The following RFX2 variants were observed in gnomAD, a reference collection of about 807,000 sequenced individuals.
RFX2 encodes the protein DNA-binding protein RFX2.
Under a neutral mutation model 87.8 loss-of-function variants are expected in RFX2, and 20 were observed. The observed-to-expected ratio is 0.23, with a 90% CI of 0.16 to 0.33. The LOEUF (loss-of-function observed/expected upper bound fraction) is 0.33. Among genes scored for constraint, RFX2 ranks in the 10% least tolerant of loss-of-function variants. The pLI, the probability that RFX2 is intolerant of heterozygous loss-of-function variation, is 1.00. For missense variants in RFX2, 767 were observed against 1,012.3 expected (o/e 0.76, Z 3.29); for synonymous variants, 397 against 431.3 (o/e 0.92, Z 0.98).
chr19:6,030,230 AAG>A (rs988827505), intron 5 of RFX2, among the ~76,000 whole-genome samples: 14 of 152,206 alleles, frequency 9.2e-5, no homozygotes, highest in African/African-American at 3.4e-4. Context: ...GGCAAAGACA[AAG>A]AGAGAATCCT....
Position 6,064,762 on chromosome 19 carries a change from C to T in RFX2, c.-8-17258G>A, listed in dbSNP as rs968100863. 2.6e-5 allele frequency among the ~76,000 whole-genome samples: 4 copies of T among 152,222 alleles called. No individual in the cohort carries two copies. The highest frequency in any genetic ancestry group is 3.2e-3 in the Middle Eastern group (1 of 316). On this transcript the variant is annotated intron_variant, in intron 1 of 17. Coordinates refer to ENST00000303657, the MANE Select transcript of RFX2 (RefSeq NM_000635.4). The surrounding 1 kb of genome is among the most constrained non-coding windows in gnomAD (Gnocchi z 4.8). ...CTGATTCTGGCCAGGAGGAGGCTGG[C>T]TTTCTGGATCCCACCAACATCACAT...
At position 6,074,830 on chromosome 19, in the gene RFX2, T is replaced by TG. The variant is rs535943446; in HGVS notation, c.-8-27327dup. On this transcript the variant is annotated intron_variant, in intron 1 of 17. Transcript: ENST00000303657. This position sits in a 1 kb window ranked among gnomAD's most constrained non-coding sequence, Gnocchi z 5.2. ...GCAAGGCTGAGGCACACGGGACATG[T>TG]GGGGTCACACGGGTCACGTGAGGAG... Among the ~76,000 whole-genome samples, 29 of 152,222 alleles carry TG rather than the reference T, an allele frequency of 1.9e-4. No individual in the cohort carries two copies. The South Asian group carries it at 5.6e-3, about 29-fold the overall frequency.
At chr19:6,067,734 C>G (rs777677836) in intron 1 of RFX2, among the ~76,000 whole-genome samples, 3 of 151,990 alleles carry the variant, frequency 2.0e-5, no homozygotes, top group Non-Finnish European at 4.4e-5. Flanking sequence ...TTTGGTGGGC[C>G]CAGCCAAGGA....
intron 1 of RFX2, among the ~76,000 whole-genome samples, chr19:6,065,796 T>G (rs1220815717): frequency 6.6e-6 from 1 of 151,992 alleles, no homozygotes; most frequent in African/African-American, 2.4e-5. Context: ...TCCATACAAC[T>G]AAAGCGAGTC....
chr19:6,006,451 G>A (rs1242497835), intron 12 of RFX2, among the ~76,000 whole-genome samples: 1 of 146,924 alleles, frequency 6.8e-6, no homozygotes, highest in African/African-American at 2.6e-5. Flanking sequence ...ACACCACCAT[G>A]CCCAGCTCAT....
At chr19:6,067,056 C>G (rs1347891662) in intron 1 of RFX2, among the ~76,000 whole-genome samples, 1 of 152,026 alleles carries the variant, frequency 6.6e-6, no homozygotes. Context: ...ATAACAAAAC[C>G]CAAGGAGGAA....
chr19:6,022,142 C>G lies in RFX2; in HGVS notation c.597+4021G>C, dbSNP rs1389481236. Among the ~76,000 whole-genome samples, 1 of 151,992 alleles carries G rather than the reference C, an allele frequency of 6.6e-6. No individual in the cohort carries two copies. Among genetic ancestry groups the G allele is most frequent in the Non-Finnish European group, 1.5e-5 (1 of 67,986 alleles). On this transcript the variant is annotated intron_variant, in intron 6 of 17. Transcript: ENST00000303657. This position sits in a 1 kb window ranked among gnomAD's most constrained non-coding sequence, Gnocchi z 6.2. ...CGGGAGGCGCAGGGGTTGTGGGAGG[C>G]GCAGGGGTTGTTGAGGGTGGAGGCC...
chr19:6,095,025 T>C (rs1003771201), intron 1 of RFX2, among the ~76,000 whole-genome samples: 1 of 152,140 alleles, frequency 6.6e-6, no homozygotes, highest in Non-Finnish European at 1.5e-5. Context: ...GGCAGGAGAA[T>C]GGTGTGAACC....
chr19:6,066,283 C>A (rs2087510471), intron 1 of RFX2, among the ~76,000 whole-genome samples: 1 of 152,142 alleles, frequency 6.6e-6, no homozygotes, highest in Non-Finnish European at 1.5e-5. Flanking sequence ...GAACATTGAG[C>A]ACATGAAACC....
At position 6,044,289 on chromosome 19, in the gene RFX2, G is replaced by C; in HGVS notation, c.91-7C>G. 1 of 1,524,652 alleles carries C rather than the reference G, an allele frequency of 6.6e-7. No individual in the cohort carries two copies. The highest frequency in any genetic ancestry group is 8.8e-7 in the Non-Finnish European group (1 of 1,134,382). The allele number at this position is 1,524,652 out of a possible 1,614,324, so 94.4% of individuals were successfully genotyped here. On this transcript the variant is annotated splice_region_variant and splice_polypyrimidine_tract_variant and intron_variant, in intron 2 of 17. Coordinates refer to ENST00000303657, the MANE Select transcript of RFX2 (RefSeq NM_000635.4). The surrounding 1 kb of genome is among the most constrained non-coding windows in gnomAD (Gnocchi z 5.3). ...CTGCCTGGACCAACACCCTCTAAAAGGGAAGGGAGAGAAGGCCAGTTAGAC... is the reference window on the plus strand; with the variant it reads ...CTGCCTGGACCAACACCCTCTAAAACGGAAGGGAGAGAAGGCCAGTTAGAC...
chr19:6,008,296 G>T, intron 9 of RFX2, 72 bp from the exon 10 acceptor site: 2 of 852,048 alleles, frequency 2.3e-6, no homozygotes, highest in Non-Finnish European at 3.6e-6. Context: ...GAAGGCCACG[G>T]TGGATGGGGG....
At position 6,024,085 on chromosome 19, in the gene RFX2, T is replaced by C. The variant is rs569346503; in HGVS notation, c.597+2078A>G. ...GTGAGCCACCGTGCCCAGCCCATTT[T>C]CCCATAGACATTTTAACTCTCCCGT... On this transcript the variant is annotated intron_variant, in intron 6 of 17. Transcript: ENST00000303657. The surrounding 1 kb of genome is among the most constrained non-coding windows in gnomAD (Gnocchi z 5.0). Among the ~76,000 whole-genome samples, 1 of 152,268 alleles carries C rather than the reference T, an allele frequency of 6.6e-6. No homozygotes were observed. Among genetic ancestry groups the C allele is most frequent in the Non-Finnish European group, 1.5e-5 (1 of 68,008 alleles).
At chr19:6,093,534 CA>C (rs1177783838) in intron 1 of RFX2, among the ~76,000 whole-genome samples, 1 of 150,754 alleles carries the variant, frequency 6.6e-6, no homozygotes, top group Non-Finnish European at 1.5e-5. Flanking sequence ...GACTCTGTCT[CA>C]AAAAAATAAA....
chr19:6,069,303 G>A (rs2087559602), intron 1 of RFX2, among the ~76,000 whole-genome samples: 1 of 152,138 alleles, frequency 6.6e-6, no homozygotes, highest in African/African-American at 2.4e-5. Flanking sequence ...CCATCAGTGT[G>A]TAGGGGACAT....
chr19:6,010,200 G>T lies in RFX2; in HGVS notation c.951C>A (p.Ser317Arg). The change falls in exon 9 of 18, where the codon AGC becomes AGA. Residue 317 changes from serine to arginine, a missense_variant. Ser to Arg is a moderately radical substitution (Grantham distance 110). This residue lies in a region of RFX2 where 621 missense variants were observed against 873.0 expected (regional missense o/e 0.71). Coordinates refer to ENST00000303657, the MANE Select transcript of RFX2 (RefSeq NM_000635.4). The surrounding 1 kb of genome is among the most constrained non-coding windows in gnomAD (Gnocchi z 5.0). ...TCTGTTCCGGAGTGCTGTGCAGGCC[G>T]CTGTGGGAGCCGCTGTCCCCGAGGC... ...TDSLGDSGSH[S>R]GLHSTPEQTM... is the part of the protein sequence containing the mutation. The T allele has an allele frequency of 6.5e-7, 1 of 1,548,450 alleles. No homozygotes were observed.
intron 1 of RFX2, among the ~76,000 whole-genome samples, chr19:6,086,462 G>T (rs1399531611): frequency 2.0e-5 from 3 of 152,220 alleles, no homozygotes; most frequent in Non-Finnish European, 4.4e-5. Context: ...GTAAGTATTT[G>T]TATCTCCAAA....
In RFX2 at chr19:6,026,983, G is replaced by A. The variant is rs535864706; in HGVS notation, c.523-746C>T. 2.8e-4 allele frequency among the ~76,000 whole-genome samples: 42 copies of A among 152,142 alleles called. No individual in the cohort carries two copies. The highest frequency in any genetic ancestry group is 5.3e-4 in the Non-Finnish European group (36 of 67,992). On this transcript the variant is annotated intron_variant, in intron 5 of 17. Coordinates refer to ENST00000303657, the MANE Select transcript of RFX2 (RefSeq NM_000635.4). The surrounding 1 kb of genome is among the most constrained non-coding windows in gnomAD (Gnocchi z 4.5). ...AGGGAGGTGGGCGGCAGGTCCACGC[G>A]ATGGAGGAGGCACACAGCTGTGCGT...
In RFX2 at chr19:5,999,180, C is replaced by T. The variant is rs1040629359; in HGVS notation, c.1860-1967G>A. ...CTGAGGCACGAGAAGTGCTTGAACC[C>T]GGGAAGGGGAGGTTGCAGTGAGCCG... On this transcript the variant is annotated intron_variant, in intron 15 of 17. Coordinates refer to ENST00000303657, the MANE Select transcript of RFX2 (RefSeq NM_000635.4). This position sits in a 1 kb window ranked among gnomAD's most constrained non-coding sequence, Gnocchi z 4.1. Among the ~76,000 whole-genome samples, 3 of 152,116 alleles carry T rather than the reference C, an allele frequency of 2.0e-5. No individual in the cohort carries two copies. Among genetic ancestry groups the T allele is most frequent in the Non-Finnish European group, 2.9e-5 (2 of 68,026 alleles).
chr19:6,108,036 G>A (rs1231226277), intron 1 of RFX2, among the ~76,000 whole-genome samples: 1 of 152,158 alleles, frequency 6.6e-6, no homozygotes, highest in South Asian at 2.1e-4. Context: ...TGGTTTATAA[G>A]AAAGAACTTA....
Sources: gnomAD v4.1 joint callset for allele counts (sites outside exome capture counted in the v4.1 genomes callset) on GRCh38, gnomAD v4.1.1 for gene constraint, gnomAD v4.1.1 regional missense constraint, Gnocchi (gnomAD v3.1) non-coding constraint, MANE v1.5 for transcripts, NCBI Gene and HGNC (gene_info 2026-07-23, HGNC 2026-07-21) for gene names.